Variants in GPATCH2 observed in about 807,000 individuals in gnomAD.
The protein encoded by GPATCH2 is G patch domain-containing protein 2.
Under a neutral mutation model 58.0 loss-of-function variants are expected in GPATCH2, and 51 were observed. That is an observed-to-expected ratio of 0.88 (90% CI 0.70 to 1.11). GPATCH2 has a LOEUF of 1.11. Ranked by LOEUF, GPATCH2 falls within the 50% of genes most tolerant of loss-of-function variation. The pLI is 0.00. For missense variants in GPATCH2, 625 were observed against 652.2 expected, an observed-to-expected ratio of 0.96 and a Z score of 0.45; for synonymous variants, 222 against 218.5, an observed-to-expected ratio of 1.02 and a Z score of -0.14.
At chr1:217,502,968 G>A (rs1662377299) in intron 6 of GPATCH2, among the ~76,000 whole-genome samples, 1 of 152,100 alleles carries the variant, frequency 6.6e-6, no homozygotes, top group African/African-American at 2.4e-5. Flanking sequence ...CTACCTGCCT[G>A]TTTAGGTACA....
rs151198247 is a variant in GPATCH2 at position 217,577,961 on chromosome 1, G to A, written c.1098+32360C>T. Among the ~76,000 whole-genome samples, 1,096 of 151,722 alleles carry A rather than the reference G, an allele frequency of 7.2e-3. 15 individuals carry two copies. Among genetic ancestry groups the A allele is most frequent in the Non-Finnish European group, 0.01 (691 of 67,918 alleles). On this transcript the variant is annotated intron_variant, in intron 5 of 9. Transcript: ENST00000366935. ...GGGGTTTCTCCATGTTGGTCAGGCT[G>A]GTCTCGAACTCCCAACCTCAGGTGA... is the stretch of plus-strand genomic sequence containing the variant.
intron 9 of GPATCH2, among the ~76,000 whole-genome samples, chr1:217,434,460 T>A (rs1488024937): frequency 6.6e-6 from 1 of 152,218 alleles, no homozygotes; most frequent in Non-Finnish European, 1.5e-5. Context: ...TAGCTGCTAA[T>A]CAGGTATGCC....
chr1:217,486,845 A>G (rs1364017512), intron 8 of GPATCH2, among the ~76,000 whole-genome samples: 1 of 152,140 alleles, frequency 6.6e-6, no homozygotes, highest in Non-Finnish European at 1.5e-5. Flanking sequence ...CCCAGAGAGG[A>G]GCAGGACTAA....
intron 5 of GPATCH2, among the ~76,000 whole-genome samples, chr1:217,602,576 G>A (rs1040217178): frequency 1.3e-5 from 2 of 152,130 alleles, no homozygotes; most frequent in Admixed American, 6.6e-5. Flanking sequence ...AAAACAGGTT[G>A]GAGAGATAAT....
intron 8 of GPATCH2, among the ~76,000 whole-genome samples, chr1:217,468,985 G>A (rs1660600713): frequency 6.6e-6 from 1 of 152,064 alleles, no homozygotes; most frequent in Non-Finnish European, 1.5e-5. Flanking sequence ...CAATCCTTAA[G>A]ATTGCCAGTA....
intron 5 of GPATCH2, among the ~76,000 whole-genome samples, chr1:217,568,594 CA>C (rs1273234011): frequency 6.6e-6 from 1 of 152,106 alleles, no homozygotes; most frequent in Admixed American, 6.5e-5. Flanking sequence ...CGCAATGGAA[CA>C]ACATTACAGG....
intron 5 of GPATCH2, among the ~76,000 whole-genome samples, chr1:217,565,998 G>C (rs1666209306): frequency 6.6e-6 from 1 of 151,310 alleles, no homozygotes; most frequent in African/African-American, 2.4e-5. Flanking sequence ...CTACTAGGGA[G>C]GCTGAGGCAG....
chr1:217,545,536 A>G (rs879837834), intron 5 of GPATCH2, among the ~76,000 whole-genome samples: 3 of 152,250 alleles, frequency 2.0e-5, no homozygotes, highest in African/African-American at 2.4e-5. Flanking sequence ...CATCTTTCCA[A>G]TCAAAATTGA....
At chr1:217,448,359 A>G (rs1217514902) in intron 9 of GPATCH2, among the ~76,000 whole-genome samples, 1 of 152,088 alleles carries the variant, frequency 6.6e-6, no homozygotes, top group Non-Finnish European at 1.5e-5. Flanking sequence ...GGTCAAGGCT[A>G]TTATTCTTTG....
At chr1:217,456,899 T>C (rs928065143) in intron 8 of GPATCH2, among the ~76,000 whole-genome samples, 4 of 152,168 alleles carry the variant, frequency 2.6e-5, no homozygotes, top group African/African-American at 9.7e-5. Context: ...TGAATATGCA[T>C]AGGCCTGGGT....
chr1:217,453,564 G>A (rs1409927648), intron 8 of GPATCH2, among the ~76,000 whole-genome samples: 1 of 152,048 alleles, frequency 6.6e-6, no homozygotes, highest in African/African-American at 2.4e-5. Flanking sequence ...AACTTCACTT[G>A]GTTTATTCCC....
chr1:217,487,405 A>T (rs1661502678), intron 8 of GPATCH2, among the ~76,000 whole-genome samples: 2 of 150,882 alleles, frequency 1.3e-5, no homozygotes, highest in Admixed American at 1.3e-4. Context: ...CTGACACATG[A>T]GTTGCTTGGA....
intron 8 of GPATCH2, among the ~76,000 whole-genome samples, chr1:217,482,392 A>G (rs1661252919): frequency 6.6e-6 from 1 of 152,112 alleles, no homozygotes; most frequent in African/African-American, 2.4e-5. Flanking sequence ...TGGACAGTGG[A>G]CCTTACACTG....
At chr1:217,557,218 C>A (rs970383502) in intron 5 of GPATCH2, among the ~76,000 whole-genome samples, 1 of 151,988 alleles carries the variant, frequency 6.6e-6, no homozygotes, top group Non-Finnish European at 1.5e-5. Flanking sequence ...ACCAGCCTGG[C>A]TAACGTGGTG....
Position 217,555,919 on chromosome 1 carries a change from A to AT in GPATCH2, c.1099-41031dup, listed in dbSNP as rs568609269. Among the ~76,000 whole-genome samples the AT allele has an allele frequency of 2.0e-3, 307 of 152,316 alleles. 5 individuals are homozygous for AT. The highest frequency in any genetic ancestry group is 7.0e-3 in the African/African-American group (292 of 41,574). ...CGGAGGGAGAGACTAAGGCTGAGAC[A>AT]TACAGGTCATACTCCAAATTCTTTA... On this transcript the variant is annotated intron_variant, in intron 5 of 9. Coordinates refer to ENST00000366935, the MANE Select transcript of GPATCH2 (RefSeq NM_018040.5).
At chr1:217,444,307 G>A (rs966697155) in intron 9 of GPATCH2, among the ~76,000 whole-genome samples, 3 of 152,176 alleles carry the variant, frequency 2.0e-5, no homozygotes, top group Admixed American at 6.5e-5. Context: ...CCCTGTCCAC[G>A]GGGGAACTAA....
At position 217,524,919 on chromosome 1, in the gene GPATCH2, G is replaced by GAGA. The variant is rs1558458416; in HGVS notation, c.1099-10031_1099-10030insTCT. Among the ~76,000 whole-genome samples the GAGA allele has an allele frequency of 4.5e-3, 51 of 11,228 alleles. 14 individuals carry two copies. Among genetic ancestry groups the GAGA allele is most frequent in the Non-Finnish European group, 9.1e-3 (44 of 4,832 alleles). 7.4% of individuals were successfully genotyped at this position (11,228 alleles called of 152,430 possible). ...GGAGGGGGGAGGGGGGAGGGGGAGG[G>GAGA]GGGAGAGGGGAGAGGGGAGAGGGAG... is the stretch of plus-strand genomic sequence containing the variant. On this transcript the variant is annotated intron_variant, in intron 5 of 9. Coordinates refer to ENST00000366935, the MANE Select transcript of GPATCH2 (RefSeq NM_018040.5).
At chr1:217,560,528 T>C (rs12407779) in intron 5 of GPATCH2, among the ~76,000 whole-genome samples, 9,712 of 152,296 alleles carry the variant, frequency 0.064, 475 homozygotes, top group African/African-American at 0.13. Context: ...CACCTATATA[T>C]ACTTTCTTGA....
intron 1 of GPATCH2, among the ~76,000 whole-genome samples, chr1:217,622,549 T>A (rs3790731): frequency 0.33 from 50,492 of 152,152 alleles, 8,875 homozygotes; most frequent in Non-Finnish European, 0.39. Flanking sequence ...ACTCAGGGTT[T>A]TTTTGTTTGT....
Sources: allele counts gnomAD v4.1 joint callset (sites outside exome capture counted in the v4.1 genomes callset), GRCh38; gene constraint gnomAD v4.1.1; transcripts MANE v1.5; gene names NCBI Gene and HGNC (gene_info 2026-07-23, HGNC 2026-07-21).